Variants in NELL2 observed in about 807,000 individuals in gnomAD.
NELL2 encodes the protein protein kinase C-binding protein NELL2.
Under a neutral mutation model 109.6 loss-of-function variants are expected in NELL2, and 41 were observed. The observed-to-expected ratio is 0.37, with a 90% CI of 0.29 to 0.49. NELL2 has a LOEUF of 0.49. NELL2 is among the 20% of genes least tolerant of loss of function. NELL2 has a pLI of 0.98. For synonymous variants in NELL2, 355 were observed against 344.7 expected, an observed-to-expected ratio of 1.03 and a Z score of -0.33; for missense variants, 900 against 1,008.3, an observed-to-expected ratio of 0.89 and a Z score of 1.45.
chr12:44,888,391 T>TG (rs1248573733), intron 1 of NELL2, among the ~76,000 whole-genome samples: 2 of 151,368 alleles, frequency 1.3e-5, no homozygotes, highest in Non-Finnish European at 2.9e-5. Context: ...GTTTTTTTTT[T>TG]TTTTTTGAAA....
chr12:44,880,138 CACAG>C (rs776930531), upstream of NELL2, among the ~76,000 whole-genome samples: 65 of 139,426 alleles, frequency 4.7e-4, no homozygotes, highest in South Asian at 1.6e-3. Flanking sequence ...CACACACACA[CACAG>C]AGAGAGAGAG....
At chr12:44,698,327 T>C (rs537893799) in intron 12 of NELL2, among the ~76,000 whole-genome samples, 1 of 152,280 alleles carries the variant, frequency 6.6e-6, no homozygotes, top group East Asian at 1.9e-4. Context: ...ATGATTATGG[T>C]AGGTGACCTG....
At chr12:44,653,995 T>C (rs1354946153) in intron 13 of NELL2, among the ~76,000 whole-genome samples, 1 of 152,180 alleles carries the variant, frequency 6.6e-6, no homozygotes, top group Non-Finnish European at 1.5e-5. Context: ...CTCACTTCTT[T>C]CTCTCTTGAA....
At chr12:44,617,416 G>C (rs1453316672) in intron 13 of NELL2, among the ~76,000 whole-genome samples, 1 of 105,834 alleles carries the variant, frequency 9.4e-6, no homozygotes, top group Non-Finnish European at 1.8e-5. Flanking sequence ...GGCCGGGCGC[G>C]GTGGCTCACG....
chr12:44,724,423 C>A (rs1938958050), intron 9 of NELL2, among the ~76,000 whole-genome samples: 1 of 151,974 alleles, frequency 6.6e-6, no homozygotes, highest in African/African-American at 2.4e-5. Context: ...GATACAAAAT[C>A]AGTGTACAAA....
chr12:44,753,279 G>A (rs1940736031), intron 9 of NELL2, among the ~76,000 whole-genome samples: 1 of 152,004 alleles, frequency 6.6e-6, no homozygotes, highest in Non-Finnish European at 1.5e-5. Flanking sequence ...ACCCTCAGAG[G>A]GTAAGCTCTA....
intron 7 of NELL2, among the ~76,000 whole-genome samples, chr12:44,776,466 T>C (rs1488902802): frequency 1.3e-5 from 2 of 152,186 alleles, no homozygotes; most frequent in African/African-American, 4.8e-5. Context: ...AATGTTTAAT[T>C]TCATTTATAT....
chr12:44,702,957 A>G (rs1354057434), intron 12 of NELL2, among the ~76,000 whole-genome samples: 1 of 152,194 alleles, frequency 6.6e-6, no homozygotes, highest in Admixed American at 6.5e-5. Flanking sequence ...TTTCATGTGG[A>G]GTGGGTAAGT....
chr12:44,673,328 C>T (rs1338321726), intron 12 of NELL2, among the ~76,000 whole-genome samples: 3 of 152,112 alleles, frequency 2.0e-5, no homozygotes, highest in African/African-American at 7.2e-5. Flanking sequence ...AGTTCCAAAT[C>T]CCAATTCAAA....
At position 44,774,088 on chromosome 12, in the gene NELL2, G is replaced by A. The variant is rs368527661; in HGVS notation, c.994+659C>T. On this transcript the variant is annotated intron_variant, in intron 9 of 19. Coordinates refer to ENST00000429094, the MANE Select transcript of NELL2 (RefSeq NM_001145108.2). ...AACACTCTTTTTAACAAAGGTTTAAGTGAAGTCTTTTAAAGTATAAGAAAC... is the reference window on the plus strand; with the variant it reads ...AACACTCTTTTTAACAAAGGTTTAAATGAAGTCTTTTAAAGTATAAGAAAC... 2.8e-4 allele frequency among the ~76,000 whole-genome samples: 42 copies of A among 152,330 alleles called. 1 individual carries two copies. In the East Asian group the frequency reaches 6.4e-3, roughly 23 times the overall value.
chr12:44,699,217 A>G (rs1245648310), intron 12 of NELL2, among the ~76,000 whole-genome samples: 1 of 152,162 alleles, frequency 6.6e-6, no homozygotes, highest in Non-Finnish European at 1.5e-5. Flanking sequence ...TAAGAAATCT[A>G]TAGGAGGTGA....
intron 13 of NELL2, among the ~76,000 whole-genome samples, chr12:44,618,310 C>A (rs558669547): frequency 6.6e-6 from 1 of 152,232 alleles, no homozygotes; most frequent in Admixed American, 6.5e-5. Context: ...GTTTGCTTGG[C>A]AACTAGGAAT....
rs939120950 is a variant in NELL2 at position 44,634,171 on chromosome 12, T to C, written c.1445-23201A>G. Among the ~76,000 whole-genome samples, 4 of 152,216 alleles carry C rather than the reference T, an allele frequency of 2.6e-5. No homozygotes were observed. The East Asian group carries it at 7.7e-4, about 29-fold the overall frequency. Reference sequence around the variant, plus strand: ...ATATATTTATAACATCTATCATTCATTTCTTTTTTATAAATACATACTTTA... The same window carrying C: ...ATATATTTATAACATCTATCATTCACTTCTTTTTTATAAATACATACTTTA... On this transcript the variant is annotated intron_variant, in intron 13 of 19. Coordinates refer to ENST00000429094, the MANE Select transcript of NELL2 (RefSeq NM_001145108.2).
chr12:44,867,788 T>C (rs2710418), intron 2 of NELL2, among the ~76,000 whole-genome samples: 143,337 of 152,160 alleles, frequency 0.94, 67,766 homozygotes, highest in Non-Finnish European at 0.99. Context: ...TTTCAGGATA[T>C]CAAATCAATA....
intron 3 of NELL2, among the ~76,000 whole-genome samples, chr12:44,801,341 T>C (rs1203543086): frequency 6.6e-6 from 1 of 152,130 alleles, no homozygotes; most frequent in African/African-American, 2.4e-5. Context: ...TTTTTACTGT[T>C]AGTATAAATA....
intron 13 of NELL2, among the ~76,000 whole-genome samples, chr12:44,619,234 A>G (rs1307194146): frequency 6.6e-6 from 1 of 152,174 alleles, no homozygotes; most frequent in East Asian, 1.9e-4. Flanking sequence ...GGGGTATAAA[A>G]AGGCCCTCAA....
rs115243144 is a variant in NELL2 at position 44,795,708 on chromosome 12, C to T, written c.336-15686G>A. On this transcript the variant is annotated intron_variant, in intron 3 of 19. Transcript: ENST00000429094. The stretch of plus-strand genomic sequence containing the variant: ...CCAACTAGTGGATATCACTGGTATG[C>T]GGGGACTCTAGTATAATGAAATATA... Among the ~76,000 whole-genome samples, 1,269 of 152,094 alleles carry T rather than the reference C, an allele frequency of 8.3e-3. 24 individuals carry two copies. Among genetic ancestry groups the T allele is most frequent in the African/African-American group, 0.026 (1,098 of 41,494 alleles).
At chr12:44,829,081 A>G (rs1263451745) in intron 2 of NELL2, among the ~76,000 whole-genome samples, 1 of 152,206 alleles carries the variant, frequency 6.6e-6, no homozygotes, top group Admixed American at 6.5e-5. Context: ...AGCAAAACTG[A>G]GTAGGTAAAC....
intron 14 of NELL2, among the ~76,000 whole-genome samples, chr12:44,609,435 G>A (rs550491814): frequency 1.3e-5 from 2 of 152,110 alleles, no homozygotes; most frequent in Admixed American, 1.3e-4. Flanking sequence ...TACTCAGAAT[G>A]GTGCACAGTT....
Sources: gnomAD v4.1 joint callset for allele counts (sites outside exome capture counted in the v4.1 genomes callset) on GRCh38, gnomAD v4.1.1 for gene constraint, MANE v1.5 for transcripts, NCBI Gene and HGNC (gene_info 2026-07-23, HGNC 2026-07-21) for gene names.